The following SHANK2 variants were observed in gnomAD, a reference collection of about 807,000 sequenced individuals.
SHANK2 encodes SH3 and multiple ankyrin repeat domains protein 2.
A neutral mutation model predicts 133.7 loss-of-function variants in SHANK2; 43 were observed. The observed-to-expected ratio is 0.32, with a 90% CI of 0.25 to 0.41. The LOEUF (loss-of-function observed/expected upper bound fraction) is 0.41. SHANK2 is among the 10% of genes least tolerant of loss of function. The probability of loss-of-function intolerance (pLI) is 1.00; values close to 1 mark genes in which losing one functional copy is unlikely to be tolerated. For synonymous variants in SHANK2, 1,017 were observed against 952.8 expected (o/e 1.07, Z -1.24); for missense variants, 1,994 against 2,235.8 (o/e 0.89, Z 2.18).
intron 11 of SHANK2, among the ~76,000 whole-genome samples, chr11:70,824,286 T>G (rs782535358): frequency 1.3e-5 from 2 of 152,138 alleles, no homozygotes; most frequent in African/African-American, 2.4e-5. Context: ...ATACTTGGAC[T>G]TGACACACTT....
chr11:70,803,855 T>C (rs1948106079), intron 13 of SHANK2, among the ~76,000 whole-genome samples: 1 of 151,602 alleles, frequency 6.6e-6, no homozygotes, highest in Non-Finnish European at 1.5e-5. Context: ...TCGGAACATG[T>C]ACACACCTAT....
chr11:70,637,415 G>A (rs2061117744), intron 17 of SHANK2, among the ~76,000 whole-genome samples: 3 of 152,180 alleles, frequency 2.0e-5, no homozygotes, highest in African/African-American at 7.2e-5. Context: ...ATGGGGGCAG[G>A]TGGGGCTGGG....
At chr11:70,503,936 G>A (rs782436256) in intron 17 of SHANK2, among the ~76,000 whole-genome samples, 7 of 152,152 alleles carry the variant, frequency 4.6e-5, no homozygotes, top group Admixed American at 2.6e-4. Flanking sequence ...CTGTGAAAAG[G>A]CCCCGGCCTC....
intron 21 of SHANK2, among the ~76,000 whole-genome samples, chr11:70,493,750 T>A (rs1215375800): frequency 2.7e-4 from 41 of 152,222 alleles, no homozygotes; most frequent in Admixed American, 2.7e-3. Context: ...AGCACTGGCC[T>A]TACTCCCTGG....
At position 71,188,761 on chromosome 11, in the gene SHANK2, G is replaced by A. The variant is rs1555114875; in HGVS notation, c.-13+35936C>T. On this transcript the variant is annotated intron_variant, in intron 2 of 25. Coordinates refer to ENST00000601538, the MANE Select transcript of SHANK2 (RefSeq NM_012309.5). The surrounding 1 kb of genome is among the most constrained non-coding windows in gnomAD (Gnocchi z 4.6). ...GCCTGCCACGTCCCTGCACTGTGCT[G>A]GGTGCTGGCCTCACTGAGATAACTA... 6.6e-6 allele frequency among the ~76,000 whole-genome samples: 1 copy of A among 152,208 alleles called. No homozygotes were observed. Among genetic ancestry groups the A allele is most frequent in the Non-Finnish European group, 1.5e-5 (1 of 68,028 alleles).
At chr11:70,875,285 C>A (rs940502459) in intron 11 of SHANK2, among the ~76,000 whole-genome samples, 1 of 152,048 alleles carries the variant, frequency 6.6e-6, no homozygotes, top group Non-Finnish European at 1.5e-5. Flanking sequence ...ACTCCGCCCC[C>A]AGTAGAGCTC....
chr11:71,227,424 A>T (rs995757841), intron 1 of SHANK2, among the ~76,000 whole-genome samples: 1 of 152,148 alleles, frequency 6.6e-6, no homozygotes, highest in Non-Finnish European at 1.5e-5. Flanking sequence ...AGTCATGGCT[A>T]TGTTAATATT....
At chr11:70,744,644 C>T (rs377748510) in intron 14 of SHANK2, among the ~76,000 whole-genome samples, 12 of 152,198 alleles carry the variant, frequency 7.9e-5, no homozygotes, top group Admixed American at 7.2e-4. Context: ...GCCCCTGCAG[C>T]GGTGACCGTG....
chr11:70,818,998 C>G (rs1304335024), intron 12 of SHANK2, among the ~76,000 whole-genome samples: 1 of 152,238 alleles, frequency 6.6e-6, no homozygotes, highest in South Asian at 2.1e-4. Context: ...CCTGACATCC[C>G]TGACCTTAGC....
chr11:70,626,986 C>T (rs2060913920), intron 17 of SHANK2, among the ~76,000 whole-genome samples: 1 of 152,080 alleles, frequency 6.6e-6, no homozygotes, highest in Non-Finnish European at 1.5e-5. Flanking sequence ...ACAGGGACCC[C>T]GGGAGGCCCT....
chr11:70,759,038 A>G (rs10899442), intron 14 of SHANK2, among the ~76,000 whole-genome samples: 71,085 of 151,786 alleles, frequency 0.47, 16,904 homozygotes, highest in East Asian at 0.66. Flanking sequence ...GTGTGCCTGT[A>G]GTCCCAGCTA....
chr11:70,653,736 G>A (rs997761073), intron 17 of SHANK2, among the ~76,000 whole-genome samples: 25 of 152,188 alleles, frequency 1.6e-4, no homozygotes, highest in South Asian at 4.1e-4. Context: ...AGTCAGAGGC[G>A]CTGAGCACAG....
At chr11:71,092,301 G>A (rs1951531416) in intron 8 of SHANK2, 121 bp downstream of exon 8, 1 of 1,056,040 alleles carries the variant, frequency 9.5e-7, no homozygotes, top group African/African-American at 1.6e-5. Flanking sequence ...CTCTGGGCAG[G>A]CCAAACAAAA....
chr11:70,614,721 T>C (rs2060715022), intron 17 of SHANK2, among the ~76,000 whole-genome samples: 1 of 152,206 alleles, frequency 6.6e-6, no homozygotes, highest in African/African-American at 2.4e-5. Context: ...AGGCCTTGGG[T>C]CTGTTGCTGT....
chr11:70,830,981 G>A lies in SHANK2; in HGVS notation c.1175-10299C>T, dbSNP rs1449804219. Among the ~76,000 whole-genome samples the A allele has an allele frequency of 6.6e-6, 1 of 152,038 alleles. No homozygotes were observed. Among genetic ancestry groups the A allele is most frequent in the African/African-American group, 2.4e-5 (1 of 41,392 alleles). On this transcript the variant is annotated intron_variant, in intron 11 of 25. Coordinates refer to ENST00000601538, the MANE Select transcript of SHANK2 (RefSeq NM_012309.5). This position sits in a 1 kb window ranked among gnomAD's most constrained non-coding sequence, Gnocchi z 4.4. ...GGGTCCTGCGTGGAGGGCCTACAAC[G>A]ACCCTGGAGGCTTGTGCCGGCCACA...
At chr11:70,943,856 C>G (rs949280393) in intron 10 of SHANK2, 3 of 452,958 alleles carry the variant, frequency 6.6e-6, no homozygotes, top group African/African-American at 6.0e-5. Flanking sequence ...TCCCACGCCA[C>G]AGTGCTTTTT....
chr11:70,518,181 G>A (rs994479092), intron 17 of SHANK2, among the ~76,000 whole-genome samples: 28 of 152,308 alleles, frequency 1.8e-4, no homozygotes, highest in African/African-American at 6.3e-4. Flanking sequence ...AGCCCCTGGG[G>A]CGATCATATC....
intron 12 of SHANK2, among the ~76,000 whole-genome samples, chr11:70,817,396 G>A (rs1006193768): frequency 6.6e-6 from 1 of 152,220 alleles, no homozygotes; most frequent in African/African-American, 2.4e-5. Flanking sequence ...AAGGGAAGAT[G>A]GAACAAGGCC....
intron 2 of SHANK2, among the ~76,000 whole-genome samples, chr11:71,190,284 G>A (rs1012910617): frequency 2.6e-5 from 4 of 152,348 alleles, no homozygotes; most frequent in Admixed American, 6.5e-5. Context: ...AAAGGTGGGC[G>A]TTGTTGGCAG....
Sources: gnomAD v4.1 joint callset for allele counts (sites outside exome capture counted in the v4.1 genomes callset) on GRCh38, gnomAD v4.1.1 for gene constraint, Gnocchi (gnomAD v3.1) non-coding constraint, MANE v1.5 for transcripts, NCBI Gene and HGNC (gene_info 2026-07-23, HGNC 2026-07-21) for gene names.